Variants in PGAM5 observed in about 807,000 individuals in gnomAD.
The protein encoded by PGAM5 is serine/threonine-protein phosphatase PGAM5, mitochondrial.
In PGAM5, 25 loss-of-function variants were observed where a neutral mutation model predicts 30.6. The observed-to-expected ratio is 0.82, with a 90% CI of 0.60 to 1.14. The LOEUF (loss-of-function observed/expected upper bound fraction) is 1.14. PGAM5 is among the 50% of genes most tolerant of loss of function. The pLI, the probability that PGAM5 is intolerant of heterozygous loss-of-function variation, is 0.00. For missense variants in PGAM5, 384 were observed against 408.5 expected (o/e 0.94, Z 0.52); for synonymous variants, 201 against 179.1 (o/e 1.12, Z -0.98).
chr12:132,714,496 C>T (rs920413438), intron 1 of PGAM5, among the ~76,000 whole-genome samples: 28 of 152,232 alleles, frequency 1.8e-4, no homozygotes, highest in South Asian at 4.1e-4. Context: ...GGACACTTTC[C>T]GCCTGCGCCC....
chr12:132,710,851 CGCGGGCCGGCGCGGGAGCAAG>C lies in PGAM5; in HGVS notation c.-25_-5del. The stretch of plus-strand genomic sequence containing the variant: ...GCGCCGTCGGGGCCGTGGGCGCCTG[CGCGGGCCGGCGCGGGAGCAAG>C]CGGCATGGCGTTCCGGCAGGCGCTG... On this transcript the variant is annotated 5_prime_UTR_variant, in exon 1 of 6. Transcript: ENST00000498926. 9.0e-7 allele frequency: 1 copy of C among 1,108,528 alleles called. No individual in the cohort carries two copies. Among genetic ancestry groups the C allele is most frequent in the Non-Finnish European group, 1.1e-6 (1 of 909,988 alleles). The allele number at this position is 1,108,528 out of a possible 1,614,324, so 68.7% of individuals were successfully genotyped here.
rs887112345 is a variant in PGAM5 at position 132,721,741 on chromosome 12, C to T, written c.*913C>T. 6.6e-6 allele frequency: 1 copy of T among 152,156 alleles called. No homozygotes were observed. Among genetic ancestry groups the T allele is most frequent in the Non-Finnish European group, 1.5e-5 (1 of 68,044 alleles). 9.4% of individuals were successfully genotyped at this position (152,156 alleles called of 1,614,324 possible). A position where few individuals can be genotyped will look rare whatever the true frequency, so the allele number is the denominator to read the frequency against. On this transcript the variant is annotated 3_prime_UTR_variant, in exon 6 of 6. Coordinates refer to ENST00000498926, the MANE Select transcript of PGAM5 (RefSeq NM_001170543.2). ...TAGCTGGGATTACAGTCGCCCACCA[C>T]CATACCTGGCTAATTTTTTGTATTT...
chr12:132,711,712 G>C (rs2043524464), intron 1 of PGAM5: 1 of 151,972 alleles, frequency 6.6e-6, no homozygotes, highest in South Asian at 2.1e-4. Context: ...CTTGAGTCCA[G>C]GGGTCCCAGG....
intron 5 of PGAM5, chr12:132,718,994 G>T: frequency 6.9e-7 from 1 of 1,441,850 alleles, no homozygotes; most frequent in Non-Finnish European, 9.1e-7. Flanking sequence ...GAATGATCCG[G>T]GTTCAGGTTG....
At position 132,720,854 on chromosome 12, in the gene PGAM5, T is replaced by C. The variant is rs1288470071; in HGVS notation, c.*26T>C. 1.3e-6 allele frequency: 2 copies of C among 1,533,624 alleles called. No homozygotes were observed. The highest frequency in any genetic ancestry group is 2.4e-5 in the South Asian group (2 of 83,784). On this transcript the variant is annotated 3_prime_UTR_variant, in exon 6 of 6. Transcript: ENST00000498926. ...GGGCTCCGGCCTCTCCTTCCCTCTGTCCTCCCTGCACAGGCCGCACACACT... is the reference window on the plus strand; with the variant it reads ...GGGCTCCGGCCTCTCCTTCCCTCTGCCCTCCCTGCACAGGCCGCACACACT...
intron 2 of PGAM5, 104 bp from the exon 3 acceptor site, chr12:132,717,335 G>GGTGTTTGAGGGCGGAGGAGGGC: frequency 8.1e-7 from 1 of 1,232,160 alleles, no homozygotes. Context: ...CGGAGGAGGG[G>GGTGTTTGAGGGCGGAGGAGGGC]GTGTTTGAGG....
In PGAM5 at chr12:132,721,089, T is replaced by C. The variant is rs11548877; in HGVS notation, c.*261T>C. 0.063 allele frequency: 21,400 copies of C among 338,134 alleles called. 1,281 individuals are homozygous for C. The highest frequency in any genetic ancestry group is 0.18 in the African/African-American group (8,375 of 47,484). The allele number at this position is 338,134 out of a possible 1,614,324, so 20.9% of individuals were successfully genotyped here. ...CACAAGTCAGGCCTGTTGTGGGGAC[T>C]TGAAAGAGGCCTGACCCAGACCACC... On this transcript the variant is annotated 3_prime_UTR_variant, in exon 6 of 6. Transcript: ENST00000498926.
At chr12:132,718,680 G>A in intron 5 of PGAM5, 12 of 1,498,394 alleles carry the variant, frequency 8.0e-6, no homozygotes, top group Non-Finnish European at 1.0e-5. Context: ...TGCCCTGGTT[G>A]TTTTCCCTTT....
Position 132,710,903 on chromosome 12 carries a change from G to A in PGAM5, c.27G>A (p.Leu9=). ...TGGCGTTCCGGCAGGCGCTGCAGCT[G>A]GCGGCCTGCGGGCTGGCCGGGGGCT... MAFRQALQ[L]AACGLAGGSA... is the part of the protein sequence containing the mutation. The change falls in exon 1 of 6, where the codon CTG becomes CTA. Residue 9 remains leucine, a synonymous_variant. Transcript: ENST00000498926. 8.7e-7 allele frequency: 1 copy of A among 1,145,434 alleles called. No homozygotes were observed. The highest frequency in any genetic ancestry group is 1.1e-6 in the Non-Finnish European group (1 of 933,984). The allele number at this position is 1,145,434 out of a possible 1,614,324, so 71.0% of individuals were successfully genotyped here. A position where few individuals can be genotyped will look rare whatever the true frequency, so the allele number is the denominator to read the frequency against.
intron 1 of PGAM5, among the ~76,000 whole-genome samples, chr12:132,712,277 A>G (rs891159241): frequency 4.6e-5 from 7 of 152,086 alleles, no homozygotes; most frequent in Non-Finnish European, 1.0e-4. Flanking sequence ...GTCCCACATG[A>G]CAAGTAGTCT....
chr12:132,714,497 G>A (rs930486362), intron 1 of PGAM5, among the ~76,000 whole-genome samples: 9 of 152,196 alleles, frequency 5.9e-5, no homozygotes, highest in African/African-American at 7.2e-5. Flanking sequence ...GACACTTTCC[G>A]CCTGCGCCCC....
rs2043637123 is a variant in PGAM5, at chr12:132,720,819, T to G, written c.861T>G (p.Thr287=). ...GGTTCATGCCTCCCGACAAGATCAC[T>G]CGATCCTGAGGGCTCCGGCCTCTCC... The part of the protein sequence containing the change: ...DTGFMPPDKI[T]RS The change falls in exon 6 of 6, where the codon ACT becomes ACG. Residue 287 remains threonine (T), a synonymous_variant. Coordinates refer to ENST00000498926, the MANE Select transcript of PGAM5 (RefSeq NM_001170543.2). 2 of 1,536,392 alleles carry G rather than the reference T, an allele frequency of 1.3e-6. No individual in the cohort carries two copies. Among genetic ancestry groups the G allele is most frequent in the Non-Finnish European group, 1.7e-6 (2 of 1,146,816 alleles).
chr12:132,711,444 T>G (rs1243443281), intron 1 of PGAM5: 2 of 159,808 alleles, frequency 1.3e-5, no homozygotes, highest in Non-Finnish European at 2.7e-5. Context: ...GTTTGAAATA[T>G]GGCTCGTGTG....
chr12:132,717,886 G>A (rs1002523454), intron 4 of PGAM5, 88 bp downstream of exon 4: 3 of 1,596,510 alleles, frequency 1.9e-6, no homozygotes, highest in Middle Eastern at 1.7e-4. Flanking sequence ...CCACGTGCCC[G>A]GCCGTCCCAC....
At position 132,710,956 on chromosome 12, in the gene PGAM5, C is replaced by A; in HGVS notation, c.80C>A (p.Ala27Glu). 1 of 1,183,126 alleles carries A rather than the reference C, an allele frequency of 8.5e-7. No homozygotes were observed. Among genetic ancestry groups the A allele is most frequent in the Non-Finnish European group, 1.0e-6 (1 of 957,382 alleles). The allele number at this position is 1,183,126 out of a possible 1,614,324, so 73.3% of individuals were successfully genotyped here. A position where few individuals can be genotyped will look rare whatever the true frequency, so the allele number is the denominator to read the frequency against. ...GSAAVLFSAV[A>E]VGKPRAGGDA... ...GCCGCCGTGCTCTTCTCGGCCGTGG[C>A]GGTAGGGAAGCCGCGCGCAGGCGGG... The change falls in exon 1 of 6, where the codon GCG becomes GAG. Residue 27 changes from alanine (A) to glutamate (E), a missense_variant. Transcript: ENST00000498926.
Position 132,715,019 on chromosome 12 carries a change from G to A in PGAM5, c.353G>A (p.Arg118His), listed in dbSNP as rs144537165. 164 of 1,612,054 alleles carry A rather than the reference G, an allele frequency of 1.0e-4. 1 individual carries two copies. Among genetic ancestry groups the A allele is most frequent in the African/African-American group, 8.8e-4 (66 of 75,018 alleles). Residue 118 changes from arginine (R) to histidine (H), a missense_variant, in exon 2 of 6, where the codon CGC becomes CAC. Arg to His is a conservative substitution (Grantham distance 29, BLOSUM62 0). Coordinates refer to ENST00000498926, the MANE Select transcript of PGAM5 (RefSeq NM_001170543.2). ...YHVDGSLEKD[R>H]TLTPLGREQA... ...GTGGATGGCTCCCTGGAGAAGGACCGCACTCTGACCCCGCTGGGTATGTGG... is the reference window on the plus strand; with the variant it reads ...GTGGATGGCTCCCTGGAGAAGGACCACACTCTGACCCCGCTGGGTATGTGG...
rs1443982344 is a variant in PGAM5 at position 132,717,697 on chromosome 12, T to TGCTTCTCTGC, written c.497-12_497-3dup. 1.3e-6 allele frequency: 2 copies of TGCTTCTCTGC among 1,567,716 alleles called. No individual in the cohort carries two copies. Among genetic ancestry groups the TGCTTCTCTGC allele is most frequent in the African/African-American group, 1.4e-5 (1 of 73,762 alleles). ...GGCCGCCTCACCCAGCGCTTCGCTGTGCTTCTCTGCAGGCGTCTGCAAAGT... is the reference window on the plus strand; with the variant it reads ...GGCCGCCTCACCCAGCGCTTCGCTGTGCTTCTCTGCGCTTCTCTGCAGGCGTCTGCAAAGT... On this transcript the variant is annotated splice_polypyrimidine_tract_variant and intron_variant, in intron 3 of 5. Coordinates refer to ENST00000498926, the MANE Select transcript of PGAM5 (RefSeq NM_001170543.2).
chr12:132,714,572 T>A (rs571025087), intron 1 of PGAM5, among the ~76,000 whole-genome samples: 18 of 152,334 alleles, frequency 1.2e-4, no homozygotes, highest in Middle Eastern at 3.4e-3. Context: ...TGGGGTAGTC[T>A]GTCTCCTGCT....
chr12:132,716,015 G>T (rs73155102), intron 2 of PGAM5, among the ~76,000 whole-genome samples: 2 of 152,136 alleles, frequency 1.3e-5, no homozygotes, highest in African/African-American at 4.8e-5. Context: ...GCCCTCGGCT[G>T]CTCACCTGGA....
Sources: gnomAD v4.1 joint callset for allele counts (sites outside exome capture counted in the v4.1 genomes callset) on GRCh38, gnomAD v4.1.1 for gene constraint, MANE v1.5 for transcripts, NCBI Gene and HGNC (gene_info 2026-07-23, HGNC 2026-07-21) for gene names.